The following ADCY7 variants were observed in gnomAD, a reference collection of about 807,000 sequenced individuals.
The protein encoded by ADCY7 is adenylate cyclase type 7.
ADCY7 carries 72 observed loss-of-function variants against 120.6 expected under a neutral mutation model. The ratio of observed to expected loss-of-function variants is 0.60; its 90% CI spans 0.49 to 0.73. The LOEUF (loss-of-function observed/expected upper bound fraction) is 0.73, where lower values mean the gene tolerates loss of function less well. Among genes scored for constraint, ADCY7 ranks in the 30% least tolerant of loss-of-function variants. ADCY7 has a pLI of 0.00. For missense variants in ADCY7, 1,227 were observed against 1,486.0 expected (o/e 0.83, Z 2.87); for synonymous variants, 661 against 628.0 (o/e 1.05, Z -0.78).
In ADCY7 at chr16:50,312,168, T is replaced by A. The variant is rs991634672; in HGVS notation, c.2581T>A (p.Phe861Ile). Reference sequence around the variant, plus strand: ...CCTGCCAGCCCACGTGGCTGCCCACTTTATCGGTGACAAGTTAAACGAGGT... The same window carrying A: ...CCTGCCAGCCCACGTGGCTGCCCACATTATCGGTGACAAGTTAAACGAGGT... ...NVLPAHVAAH[F>I]IGDKLNEDWY... The change falls in exon 21 of 26, where the codon TTT becomes ATT. Residue 861 changes from phenylalanine to isoleucine, a missense_variant. Physicochemically the swap from Phe to Ile is conservative, Grantham distance 21. This residue lies in a region of ADCY7 where 244 missense variants were observed against 332.8 expected (regional missense o/e 0.73). Transcript: ENST00000673801. 1 of 1,613,986 alleles carries A rather than the reference T, an allele frequency of 6.2e-7. No individual in the cohort carries two copies. The highest frequency in any genetic ancestry group is 1.3e-5 in the African/African-American group (1 of 74,890).
At chr16:50,311,434 C>A (rs1329785871) in intron 19 of ADCY7, among the ~76,000 whole-genome samples, 1 of 152,202 alleles carries the variant, frequency 6.6e-6, no homozygotes, top group Non-Finnish European at 1.5e-5. Flanking sequence ...CAGTTCTGGG[C>A]TCCCTTCAGG....
chr16:50,296,977 C>G (rs1281096276), intron 7 of ADCY7, among the ~76,000 whole-genome samples: 1 of 152,216 alleles, frequency 6.6e-6, no homozygotes, highest in African/African-American at 2.4e-5. Context: ...AGAGGTTGGG[C>G]CTCATGTGAG....
intron 3 of ADCY7, 89 bp from the exon 4 acceptor site, chr16:50,291,647 T>A: frequency 6.6e-7 from 1 of 1,522,268 alleles, no homozygotes; most frequent in East Asian, 2.3e-5. Context: ...GGATACGCAC[T>A]GGGTGGGCTG....
At chr16:50,244,940 G>A (rs1160327002), upstream of ADCY7, among the ~76,000 whole-genome samples, 3 of 152,128 alleles carry the variant, frequency 2.0e-5, no homozygotes, top group South Asian at 2.1e-4. Context: ...CTGCTGGGAT[G>A]TAAGTCTCAG....
At chr16:50,285,093 A>C (rs1031021740) in intron 1 of ADCY7, among the ~76,000 whole-genome samples, 3 of 152,224 alleles carry the variant, frequency 2.0e-5, no homozygotes, top group African/African-American at 7.2e-5. Context: ...TTAGATTTAG[A>C]GGTTGTAAAC....
chr16:50,307,803 C>T (rs1466760757), intron 15 of ADCY7, among the ~76,000 whole-genome samples: 1 of 152,118 alleles, frequency 6.6e-6, no homozygotes, highest in Non-Finnish European at 1.5e-5. Context: ...TGAGACCAGC[C>T]TGGCCAACAT....
chr16:50,300,843 C>A lies in ADCY7; in HGVS notation c.1205C>A (p.Ala402Asp). ...YDVWSHDVSL[A>D]NRMEAAGVPG... ...GTGTGGTCCCACGACGTGTCCCTGG[C>A]CAACCGGATGGAGGCAGCCGGAGTA... is the stretch of plus-strand genomic sequence containing the variant. The change falls in exon 9 of 26, where the codon GCC becomes GAC. Residue 402 changes from alanine to aspartate, a missense_variant. Physicochemically the swap from Ala to Asp is moderately radical, Grantham distance 126. This residue lies in a region of ADCY7 where 332 missense variants were observed against 455.8 expected (regional missense o/e 0.73). Coordinates refer to ENST00000673801, the MANE Select transcript of ADCY7 (RefSeq NM_001114.5). 6.4e-7 allele frequency: 1 copy of A among 1,558,428 alleles called. No individual in the cohort carries two copies. Among genetic ancestry groups the A allele is most frequent in the Non-Finnish European group, 8.7e-7 (1 of 1,150,948 alleles).
intron 2 of ADCY7, among the ~76,000 whole-genome samples, chr16:50,289,919 T>A (rs2034830197): frequency 6.6e-6 from 1 of 152,236 alleles, no homozygotes; most frequent in Non-Finnish European, 1.5e-5. Context: ...TGCTTGCTAC[T>A]GTGTGCCAGC....
rs772241549 is a variant in ADCY7 at position 50,305,606 on chromosome 16, T to A, written c.1679+20T>A. The A allele has an allele frequency of 1.3e-6, 2 of 1,578,324 alleles. No homozygotes were observed. The highest frequency in any genetic ancestry group is 1.7e-6 in the Non-Finnish European group (2 of 1,157,168). ...CACGAGGTGAGGTCTGAGACCTCTG[T>A]CCACCCCCCTCTCCTCTCCCCCTCG... is the stretch of plus-strand genomic sequence containing the variant. On this transcript the variant is annotated intron_variant, in intron 13 of 25. Transcript: ENST00000673801.
At position 50,307,136 on chromosome 16, in the gene ADCY7, G is replaced by A. The variant is rs1387611192; in HGVS notation, c.1839G>A (p.Leu613=). 6.2e-7 allele frequency: 1 copy of A among 1,611,858 alleles called. No individual in the cohort carries two copies. Among genetic ancestry groups the A allele is most frequent in the Middle Eastern group, 1.6e-4 (1 of 6,062 alleles). ...TCTGCATCCTGCTCGTCCATGTCCT[G>A]CTCATGCCCAGGTCAGTTGCAGGGA... The part of the protein sequence containing the change: ...IFVCILLVHV[L]LMPRTAALGV... The change falls in exon 15 of 26, where the codon CTG becomes CTA. Residue 613 remains leucine, a synonymous_variant. Transcript: ENST00000673801.
At chr16:50,250,603 T>A (rs541181810) in intron 1 of ADCY7, among the ~76,000 whole-genome samples, 1 of 144,646 alleles carries the variant, frequency 6.9e-6, no homozygotes, top group South Asian at 2.3e-4. Flanking sequence ...ACTCTGTCTC[T>A]ATTTTTAAAA....
At chr16:50,289,634 T>C (rs1041948545) in intron 2 of ADCY7, among the ~76,000 whole-genome samples, 1 of 152,146 alleles carries the variant, frequency 6.6e-6, no homozygotes, top group Non-Finnish European at 1.5e-5. Flanking sequence ...CCTGGCTAAT[T>C]TTTGTATTTT....
intron 23 of ADCY7, 99 bp from the exon 24 acceptor site, chr16:50,314,193 T>G: frequency 7.1e-7 from 1 of 1,414,566 alleles, no homozygotes; most frequent in Non-Finnish European, 9.9e-7. Flanking sequence ...TCAGCCAGGA[T>G]TTTAGTGGTG....
chr16:50,250,474 A>AC (rs1567525174), intron 1 of ADCY7, among the ~76,000 whole-genome samples: 1 of 151,596 alleles, frequency 6.6e-6, no homozygotes, highest in Non-Finnish European at 1.5e-5. Flanking sequence ...AAAAAAAAAA[A>AC]AAAAACCTAA....
rs373164090 is a variant in ADCY7, at chr16:50,304,540, C to T, written c.1549C>T (p.Arg517Trp). ...SSGETHVPNG[R>W]RPKSVPQRHR... ...TGGTGAGACCCACGTCCCCAACGGG[C>T]GGAGGCCTAAGGTAGGTCCCCCTCC... The change falls in exon 11 of 26, where the codon CGG (arginine) becomes TGG (tryptophan). Residue 517 changes from arginine (R) to tryptophan (W), a missense_variant. Arg to Trp is a moderately radical substitution (Grantham distance 101, BLOSUM62 -3). Around this residue, in one of 5 missense-constraint regions of ADCY7, gnomAD observed 332 missense variants for 455.8 expected, o/e 0.73. Transcript: ENST00000673801. 1.7e-5 allele frequency: 27 copies of T among 1,553,270 alleles called. No individual in the cohort carries two copies. Among genetic ancestry groups the T allele is most frequent in the Admixed American group, 3.9e-5 (2 of 51,362 alleles).
At chr16:50,299,726 T>G (rs911939346) in intron 8 of ADCY7, among the ~76,000 whole-genome samples, 6 of 152,222 alleles carry the variant, frequency 3.9e-5, no homozygotes, top group African/African-American at 1.4e-4. Flanking sequence ...CACCACTGCC[T>G]GTGTGACCTC....
At chr16:50,285,922 G>A (rs897914673) in intron 1 of ADCY7, among the ~76,000 whole-genome samples, 2 of 152,148 alleles carry the variant, frequency 1.3e-5, no homozygotes, top group African/African-American at 4.8e-5. Context: ...CAATGAATAT[G>A]CTAAGGAATG....
At position 50,314,060 on chromosome 16, in the gene ADCY7, C is replaced by T. The variant is rs1246005548; in HGVS notation, c.2854C>T (p.Gln952Ter). 4 of 1,613,470 alleles carry T rather than the reference C, an allele frequency of 2.5e-6. No individual in the cohort carries two copies. The African/African-American group carries it at 5.3e-5, about 22-fold the overall frequency. ...CAGCGTCGCCTCAGGGCACGAGAAC[C>T]AGGTACTCAAGCCCAAGAGGTGAAA... ...GLSVASGHEN[Q>*]ELERQHAHIG... is the part of the protein sequence containing the mutation. Residue 952 changes from glutamine (Q) to a stop codon, truncating the protein, a stop_gained and splice_region_variant, in exon 23 of 26, where the codon CAG becomes TAG. Transcript: ENST00000673801. LOFTEE classifies it high-confidence loss of function.
At chr16:50,265,183 T>C (rs2033165713), upstream of ADCY7, among the ~76,000 whole-genome samples, 1 of 152,188 alleles carries the variant, frequency 6.6e-6, no homozygotes, top group African/African-American at 2.4e-5. Flanking sequence ...GTCAGTCATA[T>C]AGGATGTGAC....
Sources: gnomAD v4.1 joint callset for allele counts (sites outside exome capture counted in the v4.1 genomes callset) on GRCh38, gnomAD v4.1.1 for gene constraint, gnomAD v4.1.1 regional missense constraint, MANE v1.5 for transcripts, NCBI Gene and HGNC (gene_info 2026-07-23, HGNC 2026-07-21) for gene names.